SMCO2: variants seen among roughly 807,000 people sequenced by gnomAD.
SMCO2 encodes single-pass membrane and coiled-coil domain-containing protein 2.
SMCO2 carries 25 observed loss-of-function variants against 29.5 expected under a neutral mutation model. The ratio of observed to expected loss-of-function variants is 0.85; its 90% CI spans 0.62 to 1.18. The LOEUF is 1.18. Among genes scored for constraint, SMCO2 ranks in the 50% most tolerant of loss-of-function variants. The pLI is 0.00. For missense variants in SMCO2, 348 were observed against 344.5 expected, an observed-to-expected ratio of 1.01 and a Z score of -0.08; for synonymous variants, 117 against 123.3, an observed-to-expected ratio of 0.95 and a Z score of 0.34.
At chr12:27,424,740 G>A in the SMCO2 span, 4 of 152,174 alleles carry the variant, frequency 2.6e-5, no homozygotes, top group Admixed American at 6.5e-5. Flanking sequence ...ACAATGTTAC[G>A]GGCAGACAGG....
At chr12:27,437,509 A>G in the SMCO2 span, among the ~76,000 whole-genome samples, 2 of 152,188 alleles carry the variant, frequency 1.3e-5, no homozygotes, top group African/African-American at 2.4e-5. Context: ...GACCCAAAAA[A>G]GTAGCAACTC....
the SMCO2 span, among the ~76,000 whole-genome samples, chr12:27,440,561 G>A: frequency 1.3e-5 from 2 of 150,750 alleles, no homozygotes; most frequent in East Asian, 3.9e-4. Context: ...CCTGTTAAGA[G>A]ACAGGCAATA....
the SMCO2 span, among the ~76,000 whole-genome samples, chr12:27,428,773 A>G: frequency 6.9e-6 from 1 of 145,096 alleles, no homozygotes; most frequent in African/African-American, 2.6e-5. Context: ...CCAGGAGGAA[A>G]CCTGTTACAT....
At chr12:27,469,673 G>A (rs748755593) in intron 1 of SMCO2, among the ~76,000 whole-genome samples, 2 of 152,128 alleles carry the variant, frequency 1.3e-5, no homozygotes, top group Non-Finnish European at 2.9e-5. Context: ...TTCCTGTTTA[G>A]CCTGGACACA....
intron 2 of SMCO2, among the ~76,000 whole-genome samples, chr12:27,471,253 C>T (rs1177047761): frequency 2.0e-5 from 3 of 152,160 alleles, no homozygotes; most frequent in Non-Finnish European, 4.4e-5. Flanking sequence ...ATTATGATAT[C>T]AAAGATGTTC....
intron 1 of SMCO2, among the ~76,000 whole-genome samples, chr12:27,468,702 A>G (rs1949517884): frequency 1.3e-5 from 2 of 152,182 alleles, no homozygotes. Context: ...TGGAGGTGGG[A>G]GGTGGGGAAA....
chr12:27,459,141 C>T, the SMCO2 span, among the ~76,000 whole-genome samples: 2 of 136,946 alleles, frequency 1.5e-5, no homozygotes, highest in East Asian at 2.1e-4. Context: ...GAGCCAAGAT[C>T]GCGCCACTGC....
At chr12:27,497,660 A>T (rs1305784571) in intron 7 of SMCO2, 1 of 154,140 alleles carries the variant, frequency 6.5e-6, no homozygotes, top group Non-Finnish European at 1.4e-5. Context: ...AGCCCAGGGA[A>T]GTCGAGGTTG....
intron 4 of SMCO2, among the ~76,000 whole-genome samples, chr12:27,478,692 C>A (rs944546757): frequency 6.6e-6 from 1 of 152,142 alleles, no homozygotes; most frequent in Non-Finnish European, 1.5e-5. Context: ...GAAGGGTGGG[C>A]CTATCACCAG....
At chr12:27,485,568 G>A (rs529307660) in intron 4 of SMCO2, among the ~76,000 whole-genome samples, 2 of 150,876 alleles carry the variant, frequency 1.3e-5, no homozygotes, top group East Asian at 2.0e-4. Context: ...TTGGCTTCCC[G>A]AGTAGCTGGG....
chr12:27,484,416 A>G (rs1304532651), intron 4 of SMCO2, among the ~76,000 whole-genome samples: 1 of 152,114 alleles, frequency 6.6e-6, no homozygotes, highest in Admixed American at 6.5e-5. Context: ...TCTGTGATAC[A>G]GTTCTACTGG....
the SMCO2 span, among the ~76,000 whole-genome samples, chr12:27,426,033 A>G: frequency 1.3e-5 from 2 of 152,198 alleles, no homozygotes; most frequent in Admixed American, 1.3e-4. Flanking sequence ...GCTGTGATAC[A>G]TGCTCAACCT....
At chr12:27,477,529 A>G (rs987031384) in intron 4 of SMCO2, among the ~76,000 whole-genome samples, 1 of 150,502 alleles carries the variant, frequency 6.6e-6, no homozygotes. Context: ...ATTTTTTTTA[A>G]TGCCTTTGCC....
chr12:27,487,440 T>G (rs75837167), intron 4 of SMCO2, among the ~76,000 whole-genome samples: 2,920 of 152,216 alleles, frequency 0.019, 95 homozygotes, highest in African/African-American at 0.067. Context: ...TTCCATGATA[T>G]GAACCTATGC....
intron 4 of SMCO2, among the ~76,000 whole-genome samples, chr12:27,480,746 G>T (rs1005028422): frequency 6.6e-6 from 1 of 151,900 alleles, no homozygotes; most frequent in African/African-American, 2.4e-5. Flanking sequence ...CATGTGATAC[G>T]CTGGCTACCC....
chr12:27,429,535 C>T, the SMCO2 span, among the ~76,000 whole-genome samples: 8 of 151,484 alleles, frequency 5.3e-5, no homozygotes, highest in Non-Finnish European at 8.8e-5. Context: ...AGAGCAACCA[C>T]TTATACCTTT....
chr12:27,462,958 A>G (rs1206901678), upstream of SMCO2, among the ~76,000 whole-genome samples: 1 of 152,166 alleles, frequency 6.6e-6, no homozygotes, highest in African/African-American at 2.4e-5. Flanking sequence ...CTCAGGACTC[A>G]TTGAGCAGGG....
chr12:27,455,805 A>G, the SMCO2 span, among the ~76,000 whole-genome samples: 2 of 152,260 alleles, frequency 1.3e-5, no homozygotes, highest in Non-Finnish European at 2.9e-5. Flanking sequence ...GCAATAATTA[A>G]AAAGAATGAA....
Position 27,496,054 on chromosome 12 carries a change from C to T in SMCO2, c.683+199C>T, listed in dbSNP as rs950478121. Among the ~76,000 whole-genome samples the T allele has an allele frequency of 1.8e-4, 27 of 149,680 alleles. 3 individuals carry two copies. The highest frequency in any genetic ancestry group is 5.3e-4 in the African/African-American group (21 of 39,712). ...TATTTAGATAAAGATCTATTGCATT[C>T]GATATATATAGATTGCTTTCTTACT... On this transcript the variant is annotated intron_variant, in intron 7 of 7. Transcript: ENST00000298876.
Sources: allele counts gnomAD v4.1 joint callset (sites outside exome capture counted in the v4.1 genomes callset), GRCh38; gene constraint gnomAD v4.1.1; transcripts MANE v1.5; gene names NCBI Gene and HGNC (gene_info 2026-07-23, HGNC 2026-07-21).